The following PPP1R1C variants were observed in gnomAD, a reference collection of about 807,000 sequenced individuals.
The protein encoded by PPP1R1C is protein phosphatase 1 regulatory inhibitor subunit 1C.
Under a neutral mutation model 17.4 loss-of-function variants are expected in PPP1R1C, and 15 were observed. That is an observed-to-expected ratio of 0.86 (90% CI 0.58 to 1.33). The LOEUF is 1.33. Among genes scored for constraint, PPP1R1C ranks in the 40% most tolerant of loss-of-function variants. The pLI, the probability that PPP1R1C is intolerant of heterozygous loss-of-function variation, is 0.00. For synonymous variants in PPP1R1C, 35 were observed against 43.1 expected (o/e 0.81, Z 0.73); for missense variants, 143 against 130.0 (o/e 1.10, Z -0.48).
chr2:182,039,621 G>A (rs974758147), intron 2 of PPP1R1C, among the ~76,000 whole-genome samples: 7 of 152,146 alleles, frequency 4.6e-5, no homozygotes, highest in African/African-American at 1.7e-4. Context: ...CCAGGCTTAA[G>A]TGATCCTCCC....
At chr2:182,014,297 T>C (rs1220442291) in intron 2 of PPP1R1C, among the ~76,000 whole-genome samples, 1 of 152,228 alleles carries the variant, frequency 6.6e-6, no homozygotes, top group Non-Finnish European at 1.5e-5. Flanking sequence ...TCAAGACTCA[T>C]AGAGGTACTG....
Position 182,048,783 on chromosome 2 carries a change from G to A in PPP1R1C, c.143-12659G>A, listed in dbSNP as rs185807346. Reference sequence around the variant, plus strand: ...CAATAGTTGTAATCCAAAGGTCGCTGTAAAGAAAGAGATTCTACCTTCAAA... The same window carrying A: ...CAATAGTTGTAATCCAAAGGTCGCTATAAAGAAAGAGATTCTACCTTCAAA... On this transcript the variant is annotated intron_variant, in intron 2 of 4. Transcript: ENST00000682840. 5.9e-5 allele frequency: 9 copies of A among 152,254 alleles called. No homozygotes were observed. The East Asian group carries it at 1.7e-3, about 29-fold the overall frequency. 9.4% of individuals were successfully genotyped at this position (152,254 alleles called of 1,614,324 possible). A position where few individuals can be genotyped will look rare whatever the true frequency, so the allele number is the denominator to read the frequency against.
chr2:182,030,197 CCTT>C (rs1686770929), intron 2 of PPP1R1C, among the ~76,000 whole-genome samples: 3 of 151,954 alleles, frequency 2.0e-5, no homozygotes, highest in South Asian at 2.1e-4. Context: ...TCGTCTGAAG[CCTT>C]CTTCTCTCAG....
intron 5 of PPP1R1C, among the ~76,000 whole-genome samples, chr2:182,124,929 T>C (rs1689838069): frequency 6.6e-6 from 1 of 152,136 alleles, no homozygotes; most frequent in Non-Finnish European, 1.5e-5. Flanking sequence ...TCCAATACTA[T>C]GTTGAATAGG....
chr2:181,986,643 T>C (rs955952613), intron 1 of PPP1R1C, among the ~76,000 whole-genome samples: 2 of 152,240 alleles, frequency 1.3e-5, no homozygotes, highest in Non-Finnish European at 2.9e-5. Flanking sequence ...TCATATGTTT[T>C]ATTATTGTGG....
At chr2:182,061,202 G>T (rs1687839584) in intron 2 of PPP1R1C, among the ~76,000 whole-genome samples, 1 of 152,032 alleles carries the variant, frequency 6.6e-6, no homozygotes, top group Admixed American at 6.6e-5. Flanking sequence ...CTGCTGAAAG[G>T]TGAGAAATCT....
intron 4 of PPP1R1C, among the ~76,000 whole-genome samples, chr2:182,079,900 T>C (rs944320548): frequency 6.6e-6 from 1 of 152,202 alleles, no homozygotes; most frequent in African/African-American, 2.4e-5. Flanking sequence ...TGTGTGTTGT[T>C]TCCTCTTCTT....
rs576192262 is a variant in PPP1R1C at position 181,968,210 on chromosome 2, C to T, written n.112-7009C>T. 1.1e-4 allele frequency among the ~76,000 whole-genome samples: 16 copies of T among 152,248 alleles called. No individual in the cohort carries two copies. In the South Asian group the frequency reaches 3.3e-3, roughly 32 times the overall value. ...ATGTTTTGTAAATATCTTTTGGGAC[C>T]ATTTGGTCTGTAGCATAGATTAAGT... On this transcript the variant is annotated intron_variant and non_coding_transcript_variant, in intron 1 of 5. Coordinates refer to the PPP1R1C transcript ENST00000464264.
In PPP1R1C at chr2:181,991,388, T is replaced by C. The variant is rs77202152; in HGVS notation, c.142+3489T>C. On this transcript the variant is annotated intron_variant, in intron 2 of 4. Transcript: ENST00000682840. ...AGAACTCTCAGCAGTAGAAGCACTA[T>C]GTAAACAGATACTTAATCTGTTAAG... 7.2e-5 allele frequency among the ~76,000 whole-genome samples: 11 copies of C among 152,266 alleles called. No individual in the cohort carries two copies. The East Asian group carries it at 1.7e-3, about 24-fold the overall frequency.
chr2:182,023,092 AC>A (rs1282246251), intron 2 of PPP1R1C, among the ~76,000 whole-genome samples: 1 of 152,184 alleles, frequency 6.6e-6, no homozygotes, highest in Non-Finnish European at 1.5e-5. Context: ...AATGTAAAAA[AC>A]CACAATGTAG....
chr2:182,119,636 T>G (rs931504986), downstream of PPP1R1C, among the ~76,000 whole-genome samples: 407 of 152,340 alleles, frequency 2.7e-3, 1 homozygote, highest in Non-Finnish European at 4.3e-3. Flanking sequence ...TGGTTTTGAT[T>G]TGCATTTCTC....
At chr2:181,994,457 A>T (rs1212528782) in intron 2 of PPP1R1C, among the ~76,000 whole-genome samples, 1 of 152,088 alleles carries the variant, frequency 6.6e-6, no homozygotes, top group East Asian at 1.9e-4. Flanking sequence ...TTATTGAAGT[A>T]GTTCTCTCAT....
chr2:182,064,625 A>G (rs984611672), intron 4 of PPP1R1C, among the ~76,000 whole-genome samples: 7 of 152,096 alleles, frequency 4.6e-5, no homozygotes, highest in Admixed American at 1.3e-4. Context: ...TTTGGGGCCT[A>G]TTCAGGGAGG....
At chr2:181,980,210 A>G (rs1489745082) in intron 2 of PPP1R1C, among the ~76,000 whole-genome samples, 1 of 152,204 alleles carries the variant, frequency 6.6e-6, no homozygotes, top group African/African-American at 2.4e-5. Context: ...AAATGAATAT[A>G]TTTCTAGGTA....
At chr2:182,036,610 C>A (rs1559066705) in intron 2 of PPP1R1C, among the ~76,000 whole-genome samples, 1 of 152,116 alleles carries the variant, frequency 6.6e-6, no homozygotes, top group Non-Finnish European at 1.5e-5. Context: ...CTACTATCAA[C>A]ATTTCATAAT....
chr2:182,034,038 T>C (rs1686926516), intron 2 of PPP1R1C, among the ~76,000 whole-genome samples: 1 of 152,220 alleles, frequency 6.6e-6, no homozygotes, highest in African/African-American at 2.4e-5. Context: ...GTGTGTCTTC[T>C]AGAATTTTCT....
At chr2:182,071,697 T>C (rs937241431) in intron 4 of PPP1R1C, among the ~76,000 whole-genome samples, 9 of 152,216 alleles carry the variant, frequency 5.9e-5, no homozygotes, top group Non-Finnish European at 1.0e-4. Flanking sequence ...CCTCCTCCAT[T>C]GATTTATCTG....
intron 2 of PPP1R1C, among the ~76,000 whole-genome samples, chr2:182,019,032 A>G (rs189838632): frequency 6.6e-6 from 1 of 152,204 alleles, no homozygotes; most frequent in Non-Finnish European, 1.5e-5. Context: ...AATATATTAA[A>G]CACAGATAGT....
At chr2:182,012,928 C>T (rs1686128902) in intron 2 of PPP1R1C, among the ~76,000 whole-genome samples, 1 of 151,958 alleles carries the variant, frequency 6.6e-6, no homozygotes, top group Non-Finnish European at 1.5e-5. Context: ...TCATACACCC[C>T]CACCGCTTTT....
Sources: allele counts gnomAD v4.1 joint callset (sites outside exome capture counted in the v4.1 genomes callset), GRCh38; gene constraint gnomAD v4.1.1; transcripts MANE v1.5; gene names NCBI Gene and HGNC (gene_info 2026-07-23, HGNC 2026-07-21).